The following FHIT variants were observed in gnomAD, a reference collection of about 807,000 sequenced individuals.
FHIT encodes fragile histidine triad diadenosine triphosphatase, also known as bis(5'-adenosyl)-triphosphatase.
A neutral mutation model predicts 17.9 loss-of-function variants in FHIT; 19 were observed. The ratio of observed to expected loss-of-function variants is 1.06; its 90% CI spans 0.74 to 1.56. FHIT has a LOEUF of 1.56. Ranked by LOEUF, FHIT falls within the 40% of genes most tolerant of loss-of-function variation. FHIT has a pLI of 0.00. For synonymous variants in FHIT, 81 were observed against 69.7 expected (o/e 1.16, Z -0.81); for missense variants, 248 against 189.2 (o/e 1.31, Z -1.82).
Position 60,011,389 on chromosome 3 carries a change from T to A in FHIT, c.261A>T (p.Glu87Asp). The change falls in exon 7 of 10, where the codon GAA becomes GAT. Residue 87 changes from glutamate (E) to aspartate (D), a missense_variant. Transcript: ENST00000492590. ...CACTCACCTTCACAGTCTGTCCGGCTTCGGGGCCATCCTAGAAGTAGGAAA... is the reference window on the plus strand; with the variant it reads ...CACTCACCTTCACAGTCTGTCCGGCATCGGGGCCATCCTAGAAGTAGGAAA... ...SLTFSMQDGP[E>D]AGQTVKHVHV... is the part of the protein sequence containing the mutation. 6.2e-7 allele frequency: 1 copy of A among 1,613,634 alleles called. No homozygotes were observed. Among genetic ancestry groups the A allele is most frequent in the Non-Finnish European group, 8.5e-7 (1 of 1,179,592 alleles).
intron 2 of FHIT, among the ~76,000 whole-genome samples, chr3:61,170,229 T>G (rs1480728547): frequency 6.6e-6 from 1 of 152,174 alleles, no homozygotes; most frequent in Non-Finnish European, 1.5e-5. Flanking sequence ...TGAAAAGAGA[T>G]AATTAAGTCA....
intron 4 of FHIT, among the ~76,000 whole-genome samples, chr3:60,809,231 TC>T (rs1486723376): frequency 1.3e-5 from 2 of 152,212 alleles, no homozygotes; most frequent in African/African-American, 4.8e-5. Flanking sequence ...TTGTGCAATT[TC>T]TGCATACACT....
chr3:60,539,194 C>T (rs1218968593), intron 4 of FHIT, among the ~76,000 whole-genome samples: 1 of 152,140 alleles, frequency 6.6e-6, no homozygotes, highest in African/African-American at 2.4e-5. Context: ...TGAAAAAATG[C>T]TCATCATCAA....
chr3:59,943,528 T>A (rs13064561), intron 7 of FHIT, among the ~76,000 whole-genome samples: 1 of 152,040 alleles, frequency 6.6e-6, no homozygotes, highest in African/African-American at 2.4e-5. Context: ...AATCATTAAC[T>A]GCAAATGGAA....
intron 5 of FHIT, among the ~76,000 whole-genome samples, chr3:60,279,906 C>G (rs1707348369): frequency 6.6e-6 from 1 of 151,846 alleles, no homozygotes; most frequent in Non-Finnish European, 1.5e-5. Context: ...GTGGCAGGCA[C>G]TTCTAGTCTC....
At chr3:59,880,601 G>A (rs754775025) in intron 8 of FHIT, among the ~76,000 whole-genome samples, 3 of 152,116 alleles carry the variant, frequency 2.0e-5, no homozygotes, top group Non-Finnish European at 2.9e-5. Flanking sequence ...ATGTGCCTCA[G>A]GTCCCTCATT....
intron 5 of FHIT, among the ~76,000 whole-genome samples, chr3:60,085,903 G>C (rs539268228): frequency 2.6e-5 from 4 of 152,294 alleles, no homozygotes; most frequent in African/African-American, 7.2e-5. Flanking sequence ...CCTCCTGTGA[G>C]ATTTTGCAAT....
At chr3:60,084,747 G>T (rs770609864) in intron 5 of FHIT, among the ~76,000 whole-genome samples, 3 of 152,068 alleles carry the variant, frequency 2.0e-5, no homozygotes, top group Non-Finnish European at 4.4e-5. Context: ...AAACTGCTGT[G>T]AATATAAAAT....
chr3:60,553,501 AAATATAT>A (rs1407154935), intron 4 of FHIT: 4 of 15,728 alleles, frequency 2.5e-4, no homozygotes, highest in African/African-American at 8.7e-4. Context: ...ATATTTAAAA[AAATATAT>A]ATATATATAT....
At chr3:60,553,464 T>A in intron 4 of FHIT, 1 of 318,102 alleles carries the variant, frequency 3.1e-6, no homozygotes, top group Non-Finnish European at 4.4e-6. Flanking sequence ...ATATATTTTA[T>A]ATTTATTTTA....
chr3:60,631,775 C>G (rs568992234), intron 4 of FHIT, among the ~76,000 whole-genome samples: 2 of 152,288 alleles, frequency 1.3e-5, no homozygotes, highest in South Asian at 2.1e-4. Flanking sequence ...GGGCACCGTG[C>G]CTTTCCTCTA....
chr3:60,843,098 A>T (rs551575641), intron 3 of FHIT, among the ~76,000 whole-genome samples: 11 of 152,286 alleles, frequency 7.2e-5, no homozygotes, highest in Non-Finnish European at 1.6e-4. Context: ...AGTAAGAAAG[A>T]AAGGAATACA....
chr3:60,253,186 T>C (rs920960496), intron 5 of FHIT, among the ~76,000 whole-genome samples: 2 of 152,140 alleles, frequency 1.3e-5, no homozygotes, highest in African/African-American at 2.4e-5. Flanking sequence ...AAATGCCTAC[T>C]GCCAAAAAAG....
intron 7 of FHIT, among the ~76,000 whole-genome samples, chr3:59,963,588 G>A (rs113526771): frequency 6.6e-4 from 100 of 152,214 alleles, no homozygotes; most frequent in African/African-American, 2.4e-3. Context: ...CATGTTTCAC[G>A]TATCCAAGTA....
intron 5 of FHIT, among the ~76,000 whole-genome samples, chr3:60,505,349 T>C (rs2034685382): frequency 6.6e-6 from 1 of 152,174 alleles, no homozygotes; most frequent in South Asian, 2.1e-4. Flanking sequence ...TCCATACCCC[T>C]AGGCTTCTTT....
intron 3 of FHIT, among the ~76,000 whole-genome samples, chr3:60,822,841 C>T (rs1553739778): frequency 6.6e-6 from 1 of 152,174 alleles, no homozygotes; most frequent in African/African-American, 2.4e-5. Context: ...GCTCATAAAT[C>T]ACTCAATGAC....
At chr3:60,947,366 C>T (rs543814063) in intron 3 of FHIT, among the ~76,000 whole-genome samples, 4 of 152,096 alleles carry the variant, frequency 2.6e-5, no homozygotes, top group South Asian at 2.1e-4. Flanking sequence ...CTATGACTAT[C>T]GCGTGTTTTC....
intron 8 of FHIT, among the ~76,000 whole-genome samples, chr3:59,812,186 T>A (rs984853444): frequency 2.6e-5 from 4 of 152,138 alleles, no homozygotes; most frequent in Admixed American, 2.6e-4. Flanking sequence ...CAGTCACTCC[T>A]CAACAAAGAT....
At chr3:59,790,740 ATG>A (rs1369324691) in intron 8 of FHIT, among the ~76,000 whole-genome samples, 5 of 152,104 alleles carry the variant, frequency 3.3e-5, no homozygotes, top group Non-Finnish European at 7.4e-5. Context: ...ATTATTTAAT[ATG>A]TGTCTCCCCA....
Sources: allele counts gnomAD v4.1 joint callset (sites outside exome capture counted in the v4.1 genomes callset), GRCh38; gene constraint gnomAD v4.1.1; transcripts MANE v1.5; gene names NCBI Gene and HGNC (gene_info 2026-07-23, HGNC 2026-07-21).